EPB41L2: variants seen among roughly 807,000 people sequenced by gnomAD.
EPB41L2 encodes the protein erythrocyte membrane protein band 4.1 like 2.
EPB41L2 carries 43 observed loss-of-function variants against 113.0 expected under a neutral mutation model. That is an observed-to-expected ratio of 0.38 (90% CI 0.30 to 0.49). The LOEUF is 0.49. Among genes scored for constraint, EPB41L2 ranks in the 20% least tolerant of loss-of-function variants. EPB41L2 has a pLI of 0.95. For synonymous variants in EPB41L2, 442 were observed against 436.7 expected (o/e 1.01, Z -0.15); for missense variants, 1,147 against 1,223.4 (o/e 0.94, Z 0.93).
chr6:130,843,368 A>T (rs571502586), intron 19 of EPB41L2, among the ~76,000 whole-genome samples: 2 of 152,340 alleles, frequency 1.3e-5, no homozygotes, highest in Middle Eastern at 6.8e-3. Flanking sequence ...TTCCAACCAA[A>T]CTGAAAACTA....
At chr6:130,914,834 A>T (rs1800447773) in intron 4 of EPB41L2, among the ~76,000 whole-genome samples, 1 of 152,306 alleles carries the variant, frequency 6.6e-6, no homozygotes, top group East Asian at 1.9e-4. Flanking sequence ...TATTCTCCTT[A>T]CTTTCTCCTC....
intron 1 of EPB41L2, among the ~76,000 whole-genome samples, chr6:130,958,788 C>T (rs916900779): frequency 1.3e-5 from 2 of 152,052 alleles, no homozygotes; most frequent in African/African-American, 4.8e-5. Context: ...AAGGCAGAAG[C>T]CAAAACATAA....
At position 130,894,109 on chromosome 6, in the gene EPB41L2, G is replaced by T. The variant is rs181332665; in HGVS notation, c.1487+235C>A. On this transcript the variant is annotated intron_variant, in intron 10 of 19. Coordinates refer to ENST00000337057, the MANE Select transcript of EPB41L2 (RefSeq NM_001431.4). Reference sequence around the variant, plus strand: ...AAGAGTTCAAAGACAGTGGGTTAATGCATCTGCCACATTCCCCACCACTAC... The same window carrying T: ...AAGAGTTCAAAGACAGTGGGTTAATTCATCTGCCACATTCCCCACCACTAC... 2.0e-3 allele frequency among the ~76,000 whole-genome samples: 306 copies of T among 152,258 alleles called. 2 individuals are homozygous for T. The highest frequency in any genetic ancestry group is 0.017 in the Middle Eastern group (5 of 294).
chr6:130,907,279 G>C (rs1322479521), intron 5 of EPB41L2, among the ~76,000 whole-genome samples: 1 of 152,178 alleles, frequency 6.6e-6, no homozygotes, highest in African/African-American at 2.4e-5. Context: ...AACAACTGCA[G>C]AAGGGACAAA....
At chr6:130,872,474 G>A (rs540543902) in intron 14 of EPB41L2, 1 of 1,289,368 alleles carries the variant, frequency 7.8e-7, no homozygotes, top group East Asian at 5.6e-5. Context: ...AGTGAAGGTG[G>A]CTTTCATGCT....
chr6:130,896,735 TG>T (rs1339030002), intron 8 of EPB41L2, among the ~76,000 whole-genome samples: 1 of 152,162 alleles, frequency 6.6e-6, no homozygotes, highest in Non-Finnish European at 1.5e-5. Flanking sequence ...ATCCTTCACA[TG>T]TAAGTTATGC....
In EPB41L2 at chr6:131,025,902, A is replaced by T. The variant is rs977740880; in HGVS notation, c.-15+37253T>A. 2.0e-5 allele frequency among the ~76,000 whole-genome samples: 3 copies of T among 152,216 alleles called. No individual in the cohort carries two copies. The East Asian group carries it at 5.8e-4, about 29-fold the overall frequency. ...GGGCAAAATGAAATCTAAATGTAAG[A>T]TTATCCTTTAAGAGTATACAAAAGT... On this transcript the variant is annotated intron_variant, in intron 1 of 19. Transcript: ENST00000337057.
chr6:130,885,851 T>C (rs1790777559), intron 11 of EPB41L2, among the ~76,000 whole-genome samples: 1 of 152,180 alleles, frequency 6.6e-6, no homozygotes, highest in African/African-American at 2.4e-5. Flanking sequence ...CCTTCCTCAA[T>C]GCCTTAACAC....
chr6:130,952,154 C>T (rs904265894), intron 3 of EPB41L2, among the ~76,000 whole-genome samples: 4 of 151,918 alleles, frequency 2.6e-5, no homozygotes, highest in South Asian at 2.1e-4. Context: ...CAAGAATCAC[C>T]GATGACAATG....
intron 19 of EPB41L2, among the ~76,000 whole-genome samples, chr6:130,853,996 G>A (rs1039222658): frequency 2.0e-5 from 3 of 152,128 alleles, no homozygotes; most frequent in Admixed American, 2.0e-4. Flanking sequence ...TGCAGCCAGT[G>A]GGGGGTGGAG....
chr6:131,061,346 T>C (rs1798619163), intron 1 of EPB41L2, among the ~76,000 whole-genome samples: 1 of 152,212 alleles, frequency 6.6e-6, no homozygotes, highest in Non-Finnish European at 1.5e-5. Flanking sequence ...TTACCACTTG[T>C]ACAGTTCTCC....
chr6:130,886,913 G>A (rs149947108), intron 11 of EPB41L2, among the ~76,000 whole-genome samples: 128 of 152,224 alleles, frequency 8.4e-4, no homozygotes, highest in African/African-American at 3.0e-3. Flanking sequence ...GGTTAGAGGT[G>A]TGAGCCACCG....
intron 1 of EPB41L2, among the ~76,000 whole-genome samples, chr6:131,018,822 C>T (rs1788822726): frequency 6.6e-6 from 1 of 152,138 alleles, no homozygotes; most frequent in Non-Finnish European, 1.5e-5. Context: ...AACACTGCTC[C>T]TATAGTGTAA....
intron 18 of EPB41L2, chr6:130,858,475 A>G (rs1780980322): frequency 2.3e-6 from 1 of 438,246 alleles, no homozygotes; most frequent in East Asian, 4.3e-5. Flanking sequence ...TGACACGTAG[A>G]GGAAACATGT....
chr6:130,847,318 C>A (rs1023307140), intron 19 of EPB41L2, among the ~76,000 whole-genome samples: 1 of 152,172 alleles, frequency 6.6e-6, no homozygotes, highest in Non-Finnish European at 1.5e-5. Context: ...CTTCCACAGC[C>A]CTTTATCTAG....
At chr6:130,930,432 C>A (rs139086357) in intron 3 of EPB41L2, among the ~76,000 whole-genome samples, 1 of 152,076 alleles carries the variant, frequency 6.6e-6, no homozygotes, top group African/African-American at 2.4e-5. Context: ...TGGAGCATTT[C>A]GGATTTCCAA....
chr6:130,855,337 C>T (rs555894455), intron 19 of EPB41L2, among the ~76,000 whole-genome samples: 35 of 151,994 alleles, frequency 2.3e-4, no homozygotes, highest in South Asian at 1.9e-3. Flanking sequence ...GGCGACAGAG[C>T]GAGACTCCGT....
chr6:130,960,412 T>C (rs377589082), intron 1 of EPB41L2, among the ~76,000 whole-genome samples: 2 of 152,220 alleles, frequency 1.3e-5, no homozygotes, highest in Admixed American at 1.3e-4. Flanking sequence ...CATGTAATCA[T>C]AACTGAGCTG....
At chr6:130,865,504 T>A in intron 17 of EPB41L2, 32 bp downstream of exon 17, 1 of 1,591,970 alleles carries the variant, frequency 6.3e-7, no homozygotes, top group Non-Finnish European at 8.6e-7. Context: ...TAATGTACCA[T>A]CCTCTCCATA....
Sources: gnomAD v4.1 joint callset for allele counts (sites outside exome capture counted in the v4.1 genomes callset) on GRCh38, gnomAD v4.1.1 for gene constraint, MANE v1.5 for transcripts, NCBI Gene and HGNC (gene_info 2026-07-23, HGNC 2026-07-21) for gene names.